SLC24A2: variants seen among roughly 807,000 people sequenced by gnomAD.
The protein encoded by SLC24A2 is sodium/potassium/calcium exchanger 2.
SLC24A2 carries 36 observed loss-of-function variants against 62.0 expected under a neutral mutation model. The ratio of observed to expected loss-of-function variants is 0.58; its 90% CI spans 0.44 to 0.77. The LOEUF (loss-of-function observed/expected upper bound fraction) is 0.77. SLC24A2 is among the 30% of genes least tolerant of loss of function. SLC24A2 has a pLI of 0.00. For missense variants in SLC24A2, 846 were observed against 817.9 expected, an observed-to-expected ratio of 1.03 and a Z score of -0.42; for synonymous variants, 358 against 294.0, an observed-to-expected ratio of 1.22 and a Z score of -2.23.
chr9:19,868,557 T>A, the SLC24A2 span, among the ~76,000 whole-genome samples: 1 of 152,236 alleles, frequency 6.6e-6, no homozygotes, highest in African/African-American at 2.4e-5. Flanking sequence ...GTCTAGCTGT[T>A]CTTTCCATTT....
At chr9:19,851,020 TATACA>T in the SLC24A2 span, among the ~76,000 whole-genome samples, 3 of 71,148 alleles carry the variant, frequency 4.2e-5, no homozygotes, top group Non-Finnish European at 8.5e-5. Flanking sequence ...TATATATATA[TATACA>T]TATTTTTTTT....
the SLC24A2 span, among the ~76,000 whole-genome samples, chr9:19,838,783 A>T: frequency 2.0e-5 from 3 of 151,818 alleles, no homozygotes; most frequent in Non-Finnish European, 4.4e-5. Flanking sequence ...AAAAAAAAAA[A>T]ACCCTAGAAG....
chr9:20,075,515 G>A, the SLC24A2 span, among the ~76,000 whole-genome samples: 462 of 152,270 alleles, frequency 3.0e-3, 1 homozygote, highest in Non-Finnish European at 4.3e-3. Flanking sequence ...ACTGTAGGGT[G>A]ACCCAAAGGG....
chr9:19,947,470 C>T, the SLC24A2 span, among the ~76,000 whole-genome samples: 1 of 149,376 alleles, frequency 6.7e-6, no homozygotes, highest in East Asian at 1.9e-4. Context: ...GGCAGGAAGG[C>T]AGGAAGGAAG....
At chr9:19,761,227 A>T (rs1055796810) in intron 2 of SLC24A2, among the ~76,000 whole-genome samples, 1 of 152,102 alleles carries the variant, frequency 6.6e-6, no homozygotes, top group African/African-American at 2.4e-5. Flanking sequence ...TCCTTGAGGA[A>T]TCACCAGACT....
chr9:20,184,375 C>A, the SLC24A2 span, among the ~76,000 whole-genome samples: 2 of 151,910 alleles, frequency 1.3e-5, no homozygotes, highest in Non-Finnish European at 2.9e-5. Context: ...CATGGTGAAA[C>A]CCTGTCTCTA....
chr9:19,808,416 A>C, the SLC24A2 span, among the ~76,000 whole-genome samples: 1 of 152,234 alleles, frequency 6.6e-6, no homozygotes, highest in Non-Finnish European at 1.5e-5. This position sits in a 1 kb window ranked among gnomAD's most constrained non-coding sequence, Gnocchi z 4.1. Flanking sequence ...TGCCCTTAGA[A>C]CAACAGTTAA....
chr9:20,046,825 G>C, the SLC24A2 span, among the ~76,000 whole-genome samples: 1 of 152,076 alleles, frequency 6.6e-6, no homozygotes, highest in Non-Finnish European at 1.5e-5. Context: ...AATTTTTTAA[G>C]CAAAGTTTTT....
chr9:20,301,794 T>C, the SLC24A2 span, among the ~76,000 whole-genome samples: 2 of 152,304 alleles, frequency 1.3e-5, no homozygotes, highest in African/African-American at 4.8e-5. Context: ...CTCTTGGTGT[T>C]GTACATTCTG....
the SLC24A2 span, among the ~76,000 whole-genome samples, chr9:20,262,229 G>A: frequency 4.6e-5 from 7 of 152,282 alleles, no homozygotes; most frequent in South Asian, 1.5e-3. Context: ...CATCCCCAAA[G>A]GAGAAAGATT....
chr9:19,783,802 A>G (rs989424952), intron 2 of SLC24A2, among the ~76,000 whole-genome samples: 1 of 152,208 alleles, frequency 6.6e-6, no homozygotes, highest in Non-Finnish European at 1.5e-5. Flanking sequence ...AGAAGTACAA[A>G]ATAAGACATA....
At chr9:20,298,852 C>CT in the SLC24A2 span, among the ~76,000 whole-genome samples, 2 of 152,190 alleles carry the variant, frequency 1.3e-5, no homozygotes, top group Non-Finnish European at 2.9e-5. Flanking sequence ...TCTTCATTTC[C>CT]TTTGCCCTTC....
At chr9:20,256,993 T>A in the SLC24A2 span, among the ~76,000 whole-genome samples, 1 of 152,150 alleles carries the variant, frequency 6.6e-6, no homozygotes, top group Non-Finnish European at 1.5e-5. Context: ...TTATTCTCTT[T>A]GCACAATTAA....
the SLC24A2 span, among the ~76,000 whole-genome samples, chr9:20,057,225 T>A: frequency 0.49 from 74,281 of 152,036 alleles, 18,859 homozygotes; most frequent in East Asian, 0.71. Context: ...TCACTTTTTT[T>A]AAAAAAGCTA....
the SLC24A2 span, among the ~76,000 whole-genome samples, chr9:20,106,744 A>G: frequency 6.6e-6 from 1 of 152,332 alleles, no homozygotes; most frequent in East Asian, 1.9e-4. Context: ...CCAATACCAT[A>G]CTGAATGGAC....
chr9:19,517,793 G>A (rs1832999238), intron 10 of SLC24A2, among the ~76,000 whole-genome samples: 1 of 151,992 alleles, frequency 6.6e-6, no homozygotes, highest in African/African-American at 2.4e-5. Context: ...AAATGGAAGG[G>A]GAGTGCCTGA....
intron 2 of SLC24A2, among the ~76,000 whole-genome samples, chr9:19,773,189 T>C (rs1409438330): frequency 6.6e-6 from 1 of 152,204 alleles, no homozygotes; most frequent in African/African-American, 2.4e-5. Flanking sequence ...TATCAGTGTG[T>C]ACAGGGTTTC....
chr9:19,701,055 T>G (rs981937884), intron 2 of SLC24A2, among the ~76,000 whole-genome samples: 1 of 152,234 alleles, frequency 6.6e-6, no homozygotes, highest in African/African-American at 2.4e-5. Context: ...GAGTCCTAAT[T>G]TACTATTTGA....
chr9:19,776,211 C>A (rs1019024759), intron 2 of SLC24A2, among the ~76,000 whole-genome samples: 1 of 152,154 alleles, frequency 6.6e-6, no homozygotes, highest in African/African-American at 2.4e-5. Context: ...ATTTGGAGGC[C>A]TGCTTCATCT....
Sources: allele counts gnomAD v4.1 joint callset (sites outside exome capture counted in the v4.1 genomes callset), GRCh38; gene constraint gnomAD v4.1.1; non-coding constraint Gnocchi (gnomAD v3.1); transcripts MANE v1.5; gene names NCBI Gene and HGNC (gene_info 2026-07-23, HGNC 2026-07-21).